Variants in CLYBL observed in about 807,000 individuals in gnomAD.
CLYBL encodes citramalyl-CoA lyase, mitochondrial.
Under a neutral mutation model 38.9 loss-of-function variants are expected in CLYBL, and 31 were observed. That is an observed-to-expected ratio of 0.80 (90% CI 0.60 to 1.08). CLYBL has a LOEUF of 1.08. Among genes scored for constraint, CLYBL ranks in the 50% least tolerant of loss-of-function variants. The probability of loss-of-function intolerance (pLI) is 0.00; values close to 1 mark genes in which losing one functional copy is unlikely to be tolerated. For synonymous variants in CLYBL, 171 were observed against 158.6 expected, an observed-to-expected ratio of 1.08 and a Z score of -0.59; for missense variants, 434 against 411.6, an observed-to-expected ratio of 1.05 and a Z score of -0.47.
chr13:99,800,900 A>C (rs2761160), intron 2 of CLYBL, among the ~76,000 whole-genome samples: 1,392 of 133,614 alleles, frequency 0.01, 25 homozygotes, highest in African/African-American at 0.033. Flanking sequence ...ACAACAAAAA[A>C]AAAAAACAAA....
At position 99,818,895 on chromosome 13, in the gene CLYBL, C is replaced by T. The variant is rs577387993; in HGVS notation, c.250-39966C>T. 2.0e-4 allele frequency among the ~76,000 whole-genome samples: 30 copies of T among 152,296 alleles called. No individual in the cohort carries two copies. In the South Asian group the frequency reaches 4.3e-3, roughly 22 times the overall value. On this transcript the variant is annotated intron_variant, in intron 2 of 8. Transcript: ENST00000339105. The stretch of plus-strand genomic sequence containing the variant: ...AAATGTTAATGACTGCTTAATATTC[C>T]ATCAAGCTGATGCACTGTAATTGTC...
In CLYBL at chr13:99,881,046, G is replaced by A. The variant is rs150452481; in HGVS notation, c.927+9984G>A. Among the ~76,000 whole-genome samples, 110 of 152,296 alleles carry A rather than the reference G, an allele frequency of 7.2e-4. 1 individual carries two copies. In the East Asian group the frequency reaches 0.02, roughly 27 times the overall value. On this transcript the variant is annotated intron_variant, in intron 7 of 8. Transcript: ENST00000339105. The stretch of plus-strand genomic sequence containing the variant: ...TTTTCACTGTGCTTCCCAGTCAGGT[G>A]CAACATGAATGCCACCCCATCCCAC...
At chr13:99,625,069 G>C (rs2046850020) in intron 1 of CLYBL, among the ~76,000 whole-genome samples, 1 of 152,200 alleles carries the variant, frequency 6.6e-6, no homozygotes, top group Admixed American at 6.5e-5. Flanking sequence ...GTGTGGAAGA[G>C]CTCCTCTGCT....
intron 1 of CLYBL, among the ~76,000 whole-genome samples, chr13:99,658,879 T>C (rs185159417): frequency 1.4e-3 from 210 of 152,342 alleles, no homozygotes; most frequent in Non-Finnish European, 2.0e-3. Context: ...GTAAAGCCTA[T>C]TAATTTTTCA....
chr13:99,692,296 T>TTTG (rs1555353027), intron 1 of CLYBL, among the ~76,000 whole-genome samples: 1 of 150,406 alleles, frequency 6.6e-6, no homozygotes, highest in African/African-American at 2.5e-5. Context: ...GTTTTTTTTT[T>TTTG]TTTGTTTGTT....
At chr13:99,781,417 G>A (rs184004756) in intron 2 of CLYBL, among the ~76,000 whole-genome samples, 414 of 151,854 alleles carry the variant, frequency 2.7e-3, no homozygotes, top group Non-Finnish European at 4.7e-3. Context: ...TGATCTGCCC[G>A]CCTTGGCCTC....
intron 2 of CLYBL, among the ~76,000 whole-genome samples, chr13:99,830,337 G>A (rs1341486772): frequency 6.6e-6 from 1 of 152,182 alleles, no homozygotes; most frequent in African/African-American, 2.4e-5. Flanking sequence ...GTGCCCTCCT[G>A]GTAGAGATGA....
intron 2 of CLYBL, among the ~76,000 whole-genome samples, chr13:99,854,478 T>C (rs551031471): frequency 1.4e-4 from 22 of 151,772 alleles, no homozygotes; most frequent in Non-Finnish European, 2.6e-4. Flanking sequence ...TTGGAACTAA[T>C]GAACTGACTG....
chr13:99,653,421 A>G (rs1019500072), intron 1 of CLYBL, among the ~76,000 whole-genome samples: 1 of 151,468 alleles, frequency 6.6e-6, no homozygotes, highest in African/African-American at 2.4e-5. Flanking sequence ...CAGCACACTT[A>G]GGTTCCAGAC....
chr13:99,894,568 A>G (rs2052548521), downstream of CLYBL: 1 of 152,144 alleles, frequency 6.6e-6, no homozygotes, highest in Non-Finnish European at 1.5e-5. Flanking sequence ...ATCACTGTAG[A>G]TTAGTTTAAT....
intron 2 of CLYBL, among the ~76,000 whole-genome samples, chr13:99,810,771 A>C (rs1209842768): frequency 6.6e-6 from 1 of 152,124 alleles, no homozygotes; most frequent in Non-Finnish European, 1.5e-5. Flanking sequence ...AGAAGAGTGG[A>C]GGGTGATGAG....
At chr13:99,817,078 G>T (rs1003247418) in intron 2 of CLYBL, among the ~76,000 whole-genome samples, 1 of 152,176 alleles carries the variant, frequency 6.6e-6, no homozygotes, top group Non-Finnish European at 1.5e-5. Flanking sequence ...CTCTTAGCCA[G>T]ATTCTCTTGT....
At chr13:99,879,154 T>G (rs1164538492) in intron 7 of CLYBL, among the ~76,000 whole-genome samples, 1 of 152,174 alleles carries the variant, frequency 6.6e-6, no homozygotes, top group Non-Finnish European at 1.5e-5. Context: ...CCTTCCCCAT[T>G]GCACCCCCGA....
chr13:99,733,313 TA>T lies in CLYBL; in HGVS notation c.63-39510del, dbSNP rs1278805763. Among the ~76,000 whole-genome samples, 3 of 152,182 alleles carry T rather than the reference TA, an allele frequency of 2.0e-5. No individual in the cohort carries two copies. In the East Asian group the frequency reaches 5.8e-4, roughly 29 times the overall value. ...ACTGTAATTACTAGGAAATTGACTC[TA>T]CCAGGGAAATTAACAGACTTGTCCA... is the stretch of plus-strand genomic sequence containing the variant. On this transcript the variant is annotated intron_variant, in intron 1 of 8. Coordinates refer to ENST00000339105, the MANE Select transcript of CLYBL (RefSeq NM_206808.5).
chr13:99,698,055 T>G (rs1466884436), intron 1 of CLYBL, among the ~76,000 whole-genome samples: 2 of 152,224 alleles, frequency 1.3e-5, no homozygotes, highest in African/African-American at 2.4e-5. Context: ...TAATTAAGGT[T>G]GTTAGTGTGG....
chr13:99,805,506 C>T (rs1409750560), intron 2 of CLYBL, among the ~76,000 whole-genome samples: 1 of 151,842 alleles, frequency 6.6e-6, no homozygotes, highest in Non-Finnish European at 1.5e-5. Flanking sequence ...GGGAGCGGTA[C>T]TGACAAACTT....
chr13:99,713,986 G>C (rs9517845), intron 1 of CLYBL, among the ~76,000 whole-genome samples: 1 of 144,026 alleles, frequency 6.9e-6, no homozygotes, highest in South Asian at 2.2e-4. Context: ...GCACCTGGCC[G>C]TGTTTGTTTG....
chr13:99,737,348 C>T (rs946582263), intron 1 of CLYBL, among the ~76,000 whole-genome samples: 3 of 152,192 alleles, frequency 2.0e-5, no homozygotes, highest in Non-Finnish European at 2.9e-5. Flanking sequence ...TTCCTGTGCA[C>T]GAGGTGCTTC....
chr13:99,689,748 G>C (rs978650016), intron 1 of CLYBL, among the ~76,000 whole-genome samples: 1 of 149,314 alleles, frequency 6.7e-6, no homozygotes, highest in Non-Finnish European at 1.5e-5. Flanking sequence ...AAGCTCTAAA[G>C]AGGAGAGCAG....
Sources: gnomAD v4.1 joint callset for allele counts (sites outside exome capture counted in the v4.1 genomes callset) on GRCh38, gnomAD v4.1.1 for gene constraint, MANE v1.5 for transcripts, NCBI Gene and HGNC (gene_info 2026-07-23, HGNC 2026-07-21) for gene names.